The following SLA variants were observed in gnomAD, a reference collection of about 807,000 sequenced individuals.
SLA encodes the protein src-like-adapter.
Under a neutral mutation model 30.3 loss-of-function variants are expected in SLA, and 16 were observed. That is an observed-to-expected ratio of 0.53 (90% CI 0.36 to 0.80). SLA has a LOEUF of 0.80. Ranked by LOEUF, SLA falls within the 30% of genes least tolerant of loss-of-function variation. The probability of loss-of-function intolerance (pLI) is 0.01; values close to 1 mark genes in which losing one functional copy is unlikely to be tolerated. For missense variants in SLA, 310 were observed against 345.2 expected, an observed-to-expected ratio of 0.90 and a Z score of 0.81; for synonymous variants, 143 against 137.8, an observed-to-expected ratio of 1.04 and a Z score of -0.26.
chr8:133,042,450 C>G (rs1387538217), intron 7 of SLA, among the ~76,000 whole-genome samples: 1 of 152,084 alleles, frequency 6.6e-6, no homozygotes, highest in East Asian at 1.9e-4. Flanking sequence ...AACCACCATG[C>G]ATGGTATACT....
At chr8:133,096,140 C>T (rs919797456) in intron 1 of SLA, 21 of 1,584,410 alleles carry the variant, frequency 1.3e-5, no homozygotes, top group Non-Finnish European at 1.6e-5. Context: ...ATGGTTAAGA[C>T]CTCTTTATGC....
At chr8:133,096,001 T>A (rs575525130) in intron 1 of SLA, among the ~76,000 whole-genome samples, 20 of 152,322 alleles carry the variant, frequency 1.3e-4, no homozygotes, top group African/African-American at 4.6e-4. Flanking sequence ...CTGGAGACCA[T>A]CATTGCTGAG....
At chr8:133,089,147 G>A (rs1847094720) in intron 1 of SLA, among the ~76,000 whole-genome samples, 3 of 152,110 alleles carry the variant, frequency 2.0e-5, no homozygotes, top group Admixed American at 2.0e-4. Flanking sequence ...GACCTTACAA[G>A]TCACCGATGG....
At chr8:133,077,543 G>A (rs1845084007) in intron 1 of SLA, among the ~76,000 whole-genome samples, 1 of 152,176 alleles carries the variant, frequency 6.6e-6, no homozygotes, top group African/African-American at 2.4e-5. Context: ...CTATCCCAAA[G>A]CCTGGGCTGT....
At chr8:133,054,162 A>G (rs919349775) in intron 3 of SLA, among the ~76,000 whole-genome samples, 6 of 152,000 alleles carry the variant, frequency 3.9e-5, no homozygotes, top group Non-Finnish European at 7.4e-5. Context: ...ATTATCATCT[A>G]CTCCTAGAAC....
chr8:133,053,878 G>A (rs1840879875), intron 3 of SLA, among the ~76,000 whole-genome samples: 1 of 152,166 alleles, frequency 6.6e-6, no homozygotes, highest in Non-Finnish European at 1.5e-5. Flanking sequence ...ACATCACTGA[G>A]GAAACTTTAC....
rs1837394803 is a variant in SLA at position 133,037,941 on chromosome 8, T to TC, written c.*582dup. On this transcript the variant is annotated 3_prime_UTR_variant, in exon 9 of 9. Transcript: ENST00000338087. ...GGTGCAGGAGCAGACCAAAGGTATC[T>TC]CCCAATTGAAGGCTAAGAAGTCCTT... 1 of 153,384 alleles carries TC rather than the reference T, an allele frequency of 6.5e-6. No homozygotes were observed. Among genetic ancestry groups the TC allele is most frequent in the African/African-American group, 2.4e-5 (1 of 41,438 alleles). The allele number at this position is 153,384 out of a possible 1,614,324, so 9.5% of individuals were successfully genotyped here. A position where few individuals can be genotyped will look rare whatever the true frequency, so the allele number is the denominator to read the frequency against.
At chr8:133,098,210 G>C (rs975500149) in intron 1 of SLA, among the ~76,000 whole-genome samples, 4 of 152,162 alleles carry the variant, frequency 2.6e-5, no homozygotes, top group Admixed American at 1.3e-4. Flanking sequence ...CTAAAACAGG[G>C]ATCCTCAAGT....
At position 133,096,898 on chromosome 8, in the gene SLA, AG is replaced by A. The variant is rs147334601; in HGVS notation, c.-319+5654del. On this transcript the variant is annotated intron_variant, in intron 1 of 8. Coordinates refer to ENST00000338087, the MANE Select transcript of SLA (RefSeq NM_001045556.3). ...CTGGAGGCACAGTGAAGTGGGAGTG[AG>A]CTGGGAGGTCTTCAGTCTGCTTGAA... is the stretch of plus-strand genomic sequence containing the variant. 2.6e-3 allele frequency among the ~76,000 whole-genome samples: 390 copies of A among 152,318 alleles called. 1 individual carries two copies. Among genetic ancestry groups the A allele is most frequent in the African/African-American group, 8.9e-3 (368 of 41,566 alleles).
chr8:133,074,131 A>G (rs1342654048), intron 2 of SLA, among the ~76,000 whole-genome samples: 1 of 152,086 alleles, frequency 6.6e-6, no homozygotes, highest in East Asian at 1.9e-4. Flanking sequence ...CGTTGTCCTA[A>G]ATCTCTTCCA....
At chr8:133,049,078 C>T (rs917279607) in intron 5 of SLA, 14 of 440,526 alleles carry the variant, frequency 3.2e-5, no homozygotes, top group Admixed American at 1.8e-4. Flanking sequence ...GGAGGTGAAG[C>T]GACTTTTACA....
intron 2 of SLA, among the ~76,000 whole-genome samples, chr8:133,070,014 A>C (rs1474913135): frequency 4.3e-5 from 6 of 140,168 alleles, no homozygotes; most frequent in Non-Finnish European, 9.3e-5. Flanking sequence ...AAAAAAAAAA[A>C]AAAAAAAAAA....
rs181008087 is a variant in SLA, at chr8:133,040,070, G to T, written c.545C>A (p.Ala182Asp). The T allele has an allele frequency of 6.4e-7, 1 of 1,556,804 alleles. No individual in the cohort carries two copies. The highest frequency in any genetic ancestry group is 2.4e-5 in the East Asian group (1 of 41,600). Reference protein sequence around the residue: ...TTPCLTQSTAAPAVRASSSPV... With the variant: ...TTPCLTQSTADPAVRASSSPV... ...TGAGCTGGAGGCCCTCACTGCTGGG[G>T]CAGCCGTGCTTTGTGTCAGGCAGGG... is the stretch of plus-strand genomic sequence containing the variant. Residue 182 changes from alanine (A) to aspartate (D), a missense_variant, in exon 8 of 9, where the codon GCC becomes GAC. By Grantham distance (126) the Ala-to-Asp change is moderately radical. Transcript: ENST00000338087.
chr8:133,060,180 G>A lies in SLA; in HGVS notation c.-20C>T, dbSNP rs760844853. On this transcript the variant is annotated 5_prime_UTR_variant, in exon 3 of 9. Coordinates refer to ENST00000338087, the MANE Select transcript of SLA (RefSeq NM_001045556.3). The stretch of plus-strand genomic sequence containing the variant: ...TCCCATTTCTTTCTTTTTCCCTGGG[G>A]CCGCTGGTGATGCCCAGAGCCTGTG... The A allele has an allele frequency of 6.2e-6, 10 of 1,612,510 alleles. No homozygotes were observed. Among genetic ancestry groups the A allele is most frequent in the Non-Finnish European group, 8.5e-6 (10 of 1,179,436 alleles).
Position 133,039,980 on chromosome 8 carries a change from TACAC to T in SLA, c.617+14_617+17del, listed in dbSNP as rs764266282. On this transcript the variant is annotated intron_variant, in intron 8 of 8. Coordinates refer to ENST00000338087, the MANE Select transcript of SLA (RefSeq NM_001045556.3). ...ACACACACACACACACACACACACATACACACACCATACTCACCTGGACACTCTC... is the reference window on the plus strand; with the variant it reads ...ACACACACACACACACACACACACATACACCATACTCACCTGGACACTCTC... 1.5e-3 allele frequency: 1,185 copies of T among 796,692 alleles called. 5 individuals are homozygous for T. The highest frequency in any genetic ancestry group is 1.9e-3 in the Middle Eastern group (6 of 3,204). The allele number at this position is 796,692 out of a possible 1,614,324, so 49.4% of individuals were successfully genotyped here.
intron 8 of SLA, among the ~76,000 whole-genome samples, chr8:133,039,716 T>A (rs1003603124): frequency 1.3e-5 from 2 of 152,212 alleles, no homozygotes; most frequent in African/African-American, 2.4e-5. Flanking sequence ...ATATTTCAGC[T>A]AGAATGTATA....
At position 133,098,540 on chromosome 8, in the gene SLA, A is replaced by G. The variant is rs557775632; in HGVS notation, c.-319+4013T>C. ...CAGGGGATGCAAAATCTCTGTGCAC[A>G]AGACACCATGTCCTCACAGCTCTGG... On this transcript the variant is annotated intron_variant, in intron 1 of 8. Coordinates refer to ENST00000338087, the MANE Select transcript of SLA (RefSeq NM_001045556.3). Among the ~76,000 whole-genome samples, 20 of 152,330 alleles carry G rather than the reference A, an allele frequency of 1.3e-4. 1 individual carries two copies. The highest frequency in any genetic ancestry group is 1.2e-3 in the South Asian group (6 of 4,830).
intron 1 of SLA, among the ~76,000 whole-genome samples, chr8:133,087,123 C>T (rs918572490): frequency 2.0e-4 from 26 of 127,838 alleles, no homozygotes; most frequent in Non-Finnish European, 3.5e-4. Flanking sequence ...CACACACACA[C>T]GGAAGAGACA....
At position 133,075,001 on chromosome 8, in the gene SLA, A is replaced by G. The variant is rs1016999916; in HGVS notation, c.-189T>C. ...CGGTTGTGGAGAAGCAGCCCATGCT[A>G]CACAGAAGAACTGCAGTTGCTAAAC... On this transcript the variant is annotated 5_prime_UTR_variant, in exon 2 of 9. It removes the in-frame stop codon of an upstream open reading frame in the 5' UTR. Transcript: ENST00000338087. The G allele has an allele frequency of 1.3e-5, 13 of 985,350 alleles. No homozygotes were observed. In the Admixed American group the frequency reaches 1.8e-4, roughly 14 times the overall value. 61.0% of individuals were successfully genotyped at this position (985,350 alleles called of 1,614,324 possible).
Sources: gnomAD v4.1 joint callset for allele counts (sites outside exome capture counted in the v4.1 genomes callset) on GRCh38, gnomAD v4.1.1 for gene constraint, MANE v1.5 for transcripts, NCBI Gene and HGNC (gene_info 2026-07-23, HGNC 2026-07-21) for gene names.